Variants in RIN3 observed in about 807,000 individuals in gnomAD.
The protein encoded by RIN3 is RAB5 interacting protein 3.
RIN3 carries 54 observed loss-of-function variants against 76.3 expected under a neutral mutation model. The ratio of observed to expected loss-of-function variants is 0.71; its 90% confidence interval spans 0.57 to 0.89. The LOEUF is 0.89. RIN3 is among the 40% of genes least tolerant of loss of function. The pLI, the probability that RIN3 is intolerant of heterozygous loss-of-function variation, is 0.00. For missense variants in RIN3, 1,256 were observed against 1,322.1 expected, an observed-to-expected ratio of 0.95 and a Z score of 0.78; for synonymous variants, 576 against 564.0, an observed-to-expected ratio of 1.02 and a Z score of -0.30.
rs370345466 is a variant in RIN3 at position 92,685,155 on chromosome 14, G to C, written c.2631+5G>C. 3 of 1,599,894 alleles carry C rather than the reference G, an allele frequency of 1.9e-6. No individual in the cohort carries two copies. The highest frequency in any genetic ancestry group is 2.6e-6 in the Non-Finnish European group (3 of 1,170,456). ...GCCTCCCGCTCCTCCGTACAGGTGA[G>C]GCCTGAGAGCGGGAGGGGCCCGGTG... On this transcript the variant is annotated splice_donor_5th_base_variant and intron_variant, in intron 9 of 9. Coordinates refer to ENST00000216487, the MANE Select transcript of RIN3 (RefSeq NM_024832.5). This position sits in a 1 kb window ranked among gnomAD's most constrained non-coding sequence, Gnocchi z 4.7.
chr14:92,565,952 G>T (rs1345629951), intron 2 of RIN3, among the ~76,000 whole-genome samples: 1 of 152,152 alleles, frequency 6.6e-6, no homozygotes, highest in Non-Finnish European at 1.5e-5. Context: ...AAGTTGCTCT[G>T]GAGCTGTAAG....
chr14:92,580,194 C>A lies in RIN3; in HGVS notation c.367+2717C>A, dbSNP rs573861873. Among the ~76,000 whole-genome samples, 38 of 152,348 alleles carry A rather than the reference C, an allele frequency of 2.5e-4. 1 individual carries two copies. In the South Asian group the frequency reaches 5.2e-3, roughly 21 times the overall value. ...GATTGACCTGGCCAACATGGTGAAA[C>A]CCTGTCTCCACTAAAAATACAAAAA... On this transcript the variant is annotated intron_variant, in intron 3 of 9. Coordinates refer to ENST00000216487, the MANE Select transcript of RIN3 (RefSeq NM_024832.5).
At chr14:92,534,485 C>G (rs1267680846) in intron 1 of RIN3, among the ~76,000 whole-genome samples, 2 of 151,166 alleles carry the variant, frequency 1.3e-5, no homozygotes, top group Non-Finnish European at 2.9e-5. Context: ...GAGGCTGAGG[C>G]AGGAGAATCG....
intron 7 of RIN3, among the ~76,000 whole-genome samples, chr14:92,675,963 G>T (rs1248381355): frequency 1.3e-5 from 2 of 152,150 alleles, no homozygotes. Flanking sequence ...TTAAAAGAAG[G>T]CCTTAGGAAA....
At chr14:92,518,375 G>C (rs1324197542) in intron 1 of RIN3, among the ~76,000 whole-genome samples, 1 of 152,164 alleles carries the variant, frequency 6.6e-6, no homozygotes, top group Non-Finnish European at 1.5e-5. Flanking sequence ...TGTGTCCCTG[G>C]AGCCCCTGAA....
intron 7 of RIN3, among the ~76,000 whole-genome samples, chr14:92,667,783 A>G (rs569157059): frequency 6.6e-6 from 1 of 152,274 alleles, no homozygotes; most frequent in Non-Finnish European, 1.5e-5. Flanking sequence ...TTGGAGGTGG[A>G]GGGCCATGCT....
chr14:92,667,269 T>A (rs1006145358), intron 7 of RIN3, among the ~76,000 whole-genome samples: 3 of 152,102 alleles, frequency 2.0e-5, no homozygotes, highest in African/African-American at 4.8e-5. Flanking sequence ...TCCCAGCATT[T>A]TGGGAGGCCA....
rs1233810780 is a variant in RIN3 at position 92,555,835 on chromosome 14, C to T, written c.129C>T (p.Cys43=). 6.2e-7 allele frequency: 1 copy of T among 1,614,178 alleles called. No individual in the cohort carries two copies. ...GTCTGCCAGCCAACCCGAAAAACTG[C>T]CTTCCTCACCGCCGGGGCATCAGCA... is the stretch of plus-strand genomic sequence containing the variant. ...RLCLPANPKN[C]LPHRRGISIL... The change falls in exon 2 of 10, where the codon TGC becomes TGT. Residue 43 remains cysteine (C), a synonymous_variant. Coordinates refer to ENST00000216487, the MANE Select transcript of RIN3 (RefSeq NM_024832.5).
rs1168544307 is a variant in RIN3, at chr14:92,656,155, G to A, written c.2027-3006G>A. On this transcript the variant is annotated intron_variant, in intron 6 of 9. Coordinates refer to ENST00000216487, the MANE Select transcript of RIN3 (RefSeq NM_024832.5). The surrounding 1 kb of genome is among the most constrained non-coding windows in gnomAD (Gnocchi z 5.2). ...GTCAGCCCTGCCTTCCAGAGTTGGG[G>A]GAGTGTAAGAGCTGAGGCCCAAAGG... is the stretch of plus-strand genomic sequence containing the variant. Among the ~76,000 whole-genome samples the A allele has an allele frequency of 2.0e-5, 3 of 152,218 alleles. No individual in the cohort carries two copies. Among genetic ancestry groups the A allele is most frequent in the Admixed American group, 1.3e-4 (2 of 15,282 alleles).
intron 3 of RIN3, among the ~76,000 whole-genome samples, chr14:92,592,361 A>G (rs1885006965): frequency 6.8e-6 from 1 of 147,928 alleles, no homozygotes; most frequent in African/African-American, 2.5e-5. Flanking sequence ...AGATCAGGCC[A>G]TTGCACTCCA....
At chr14:92,672,660 ATGTGTGTG>A (rs57611104) in intron 7 of RIN3, among the ~76,000 whole-genome samples, 18 of 148,396 alleles carry the variant, frequency 1.2e-4, no homozygotes, top group Non-Finnish European at 1.8e-4. Context: ...ATGTGTGTGC[ATGTGTGTG>A]TGTGTGTGTG....
chr14:92,583,575 TAAC>T (rs755473643), intron 3 of RIN3, among the ~76,000 whole-genome samples: 73 of 151,964 alleles, frequency 4.8e-4, no homozygotes, highest in East Asian at 1.9e-4. Flanking sequence ...AGATGAAAAA[TAAC>T]AACACAACAA....
intron 1 of RIN3, among the ~76,000 whole-genome samples, chr14:92,536,652 G>A (rs1897006525): frequency 6.6e-6 from 1 of 150,616 alleles, no homozygotes; most frequent in Non-Finnish European, 1.5e-5. Flanking sequence ...TGAAGCAGGA[G>A]AATCACTTGA....
intron 5 of RIN3, among the ~76,000 whole-genome samples, chr14:92,646,881 GT>G (rs1887221461): frequency 6.6e-6 from 1 of 152,206 alleles, no homozygotes; most frequent in Non-Finnish European, 1.5e-5. Context: ...TGAAAATACA[GT>G]TTTGGTTTCT....
At chr14:92,552,014 C>T (rs111329790) in intron 1 of RIN3, among the ~76,000 whole-genome samples, 102 of 152,258 alleles carry the variant, frequency 6.7e-4, no homozygotes, top group African/African-American at 2.3e-3. Context: ...GCAGCATGAG[C>T]GTGGGCTCCA....
chr14:92,615,278 T>C (rs1206637756), intron 3 of RIN3, 129 bp from the exon 4 acceptor site: 3 of 755,496 alleles, frequency 4.0e-6, no homozygotes, highest in Admixed American at 3.7e-5. Flanking sequence ...GGGGGCCGCA[T>C]GCAGCCCAGC....
chr14:92,567,275 C>T (rs997054089), intron 2 of RIN3, among the ~76,000 whole-genome samples: 1 of 152,210 alleles, frequency 6.6e-6, no homozygotes, highest in Non-Finnish European at 1.5e-5. Context: ...CCATTACCTA[C>T]TTTACATAAC....
At chr14:92,613,189 CTCTCTGCTGCCGGAAG>C (rs943661433) in intron 3 of RIN3, among the ~76,000 whole-genome samples, 3 of 152,198 alleles carry the variant, frequency 2.0e-5, no homozygotes, top group Admixed American at 6.5e-5. Context: ...TCTGTCTCCC[CTCTCTGCTGCCGGAAG>C]TCTTTTGACC....
At chr14:92,541,799 A>G (rs939804078) in intron 1 of RIN3, among the ~76,000 whole-genome samples, 2 of 152,258 alleles carry the variant, frequency 1.3e-5, no homozygotes, top group Admixed American at 1.3e-4. Context: ...TTCTTAGATT[A>G]TAACTTTTAT....
Sources: allele counts gnomAD v4.1 joint callset (sites outside exome capture counted in the v4.1 genomes callset), GRCh38; gene constraint gnomAD v4.1.1; non-coding constraint Gnocchi (gnomAD v3.1); transcripts MANE v1.5; gene names NCBI Gene and HGNC (gene_info 2026-07-23, HGNC 2026-07-21).